Variants in GRIK2 observed in about 807,000 individuals in gnomAD.
GRIK2 encodes the protein glutamate ionotropic receptor kainate type subunit 2.
A neutral mutation model predicts 100.3 loss-of-function variants in GRIK2; 32 were observed. That is an observed-to-expected ratio of 0.32 (90% confidence interval 0.24 to 0.43). The LOEUF is 0.43. Ranked by LOEUF, GRIK2 falls within the 20% of genes least tolerant of loss-of-function variation. The probability of loss-of-function intolerance (pLI) is 1.00; values close to 1 mark genes in which losing one functional copy is unlikely to be tolerated. For missense variants in GRIK2, 843 were observed against 1,114.9 expected (o/e 0.76, Z 3.47); for synonymous variants, 417 against 389.4 (o/e 1.07, Z -0.83).
At chr6:101,457,649 A>T (rs1425376100) in intron 2 of GRIK2, among the ~76,000 whole-genome samples, 1 of 152,146 alleles carries the variant, frequency 6.6e-6, no homozygotes, top group Non-Finnish European at 1.5e-5. Context: ...TTATTTGCTA[A>T]AAGCTGTAGT....
intron 10 of GRIK2, among the ~76,000 whole-genome samples, chr6:101,830,487 A>G (rs1448949058): frequency 6.6e-6 from 1 of 152,038 alleles, no homozygotes; most frequent in African/African-American, 2.4e-5. Flanking sequence ...CAAAAGATTA[A>G]TATCCAGAAT....
intron 14 of GRIK2, among the ~76,000 whole-genome samples, chr6:102,005,662 A>C (rs1795177428): frequency 6.6e-6 from 1 of 152,130 alleles, no homozygotes; most frequent in Non-Finnish European, 1.5e-5. Context: ...GAATGCTTAA[A>C]GCATAACATT....
chr6:101,883,017 T>G (rs1461952256), intron 11 of GRIK2, among the ~76,000 whole-genome samples: 1 of 151,940 alleles, frequency 6.6e-6, no homozygotes, highest in Admixed American at 6.6e-5. Context: ...TTTTTAAAAT[T>G]ATTTTTTATC....
chr6:101,494,997 A>ATG (rs1773355467), intron 2 of GRIK2, among the ~76,000 whole-genome samples: 1 of 145,720 alleles, frequency 6.9e-6, no homozygotes, highest in Admixed American at 6.9e-5. Flanking sequence ...ATATATATAT[A>ATG]TATGAAGGAA....
At chr6:102,035,184 A>AT (rs1484829379) in intron 14 of GRIK2, among the ~76,000 whole-genome samples, 157 bp from the exon 15 acceptor site, 2 of 116,320 alleles carry the variant, frequency 1.7e-5, no homozygotes, top group African/African-American at 7.9e-5. Flanking sequence ...ACAGATTCAG[A>AT]CTTTTTTGGT....
At chr6:101,737,187 T>C (rs577576895) in intron 7 of GRIK2, among the ~76,000 whole-genome samples, 13 of 152,288 alleles carry the variant, frequency 8.5e-5, no homozygotes, top group Admixed American at 5.2e-4. Context: ...CATTTTCCTG[T>C]CTTCTTCTGA....
chr6:101,807,781 G>A (rs1001100073), intron 9 of GRIK2, among the ~76,000 whole-genome samples: 2 of 151,954 alleles, frequency 1.3e-5, no homozygotes, highest in Non-Finnish European at 2.9e-5. Context: ...ATTGCCTGCT[G>A]AGATTGTGTT....
intron 2 of GRIK2, among the ~76,000 whole-genome samples, chr6:101,575,034 C>T (rs1777730816): frequency 6.6e-6 from 1 of 151,644 alleles, no homozygotes; most frequent in Non-Finnish European, 1.5e-5. Context: ...ATAATATTGT[C>T]ATATGATTTA....
intron 2 of GRIK2, among the ~76,000 whole-genome samples, chr6:101,467,238 A>T (rs979845025): frequency 2.6e-5 from 4 of 152,210 alleles, no homozygotes; most frequent in African/African-American, 9.6e-5. Context: ...CATATAAATA[A>T]TTTAAAAGTG....
At chr6:101,531,008 A>T (rs1164818964) in intron 2 of GRIK2, among the ~76,000 whole-genome samples, 1 of 152,030 alleles carries the variant, frequency 6.6e-6, no homozygotes, top group Admixed American at 6.6e-5. Context: ...GTGAGATCTG[A>T]AAGTGATCAT....
At chr6:101,820,754 C>A (rs1781906698) in intron 10 of GRIK2, among the ~76,000 whole-genome samples, 1 of 152,084 alleles carries the variant, frequency 6.6e-6, no homozygotes, top group Non-Finnish European at 1.5e-5. Context: ...CTCAATTCTT[C>A]TTTATGTTCT....
chr6:101,943,224 A>G (rs1582585375), intron 14 of GRIK2, among the ~76,000 whole-genome samples: 1 of 152,202 alleles, frequency 6.6e-6, no homozygotes, highest in East Asian at 1.9e-4. Context: ...CACAGAAGGC[A>G]AGAATGAGGT....
chr6:101,980,931 G>A (rs1793680735), intron 14 of GRIK2, among the ~76,000 whole-genome samples: 1 of 117,960 alleles, frequency 8.5e-6, no homozygotes, highest in South Asian at 2.7e-4. Flanking sequence ...ACTTAGATTA[G>A]TTTCTGATCA....
intron 16 of GRIK2, chr6:102,065,710 G>A (rs573011795): frequency 6.3e-5 from 47 of 747,338 alleles, no homozygotes; most frequent in South Asian, 1.4e-4. Flanking sequence ...AATGTTACAC[G>A]TCCTATAACA....
intron 2 of GRIK2, among the ~76,000 whole-genome samples, chr6:101,613,407 C>G (rs894651002): frequency 6.6e-6 from 1 of 151,554 alleles, no homozygotes; most frequent in Non-Finnish European, 1.5e-5. Flanking sequence ...ATTTCACATA[C>G]CTTTGTAATA....
At chr6:101,433,496 A>G (rs563499051) in intron 2 of GRIK2, among the ~76,000 whole-genome samples, 1 of 152,228 alleles carries the variant, frequency 6.6e-6, no homozygotes, top group Non-Finnish European at 1.5e-5. Flanking sequence ...GCCTCAGCTC[A>G]GTGCATTGCA....
intron 15 of GRIK2, among the ~76,000 whole-genome samples, chr6:102,050,136 C>T (rs1178877646): frequency 6.6e-6 from 1 of 151,618 alleles, no homozygotes; most frequent in South Asian, 2.1e-4. Context: ...AGTAAAAGGG[C>T]TATAGAAGAA....
intron 2 of GRIK2, among the ~76,000 whole-genome samples, chr6:101,464,447 T>TA (rs1771506131): frequency 6.6e-6 from 1 of 151,498 alleles, no homozygotes; most frequent in Non-Finnish European, 1.5e-5. Flanking sequence ...CCTGTCATTA[T>TA]AAGTCACTGC....
intron 16 of GRIK2, 62 bp from the exon 17 acceptor site, chr6:102,068,285 G>A: frequency 8.3e-7 from 1 of 1,204,424 alleles, no homozygotes; most frequent in South Asian, 1.4e-5. Context: ...TTTTAATATT[G>A]ATCTTGGACA....
Sources: allele counts gnomAD v4.1 joint callset (sites outside exome capture counted in the v4.1 genomes callset), GRCh38; gene constraint gnomAD v4.1.1; transcripts MANE v1.5; gene names NCBI Gene and HGNC (gene_info 2026-07-23, HGNC 2026-07-21).